The following DOK6 variants were observed in gnomAD, a reference collection of about 807,000 sequenced individuals.
The protein encoded by DOK6 is docking protein 6.
In DOK6, 22 loss-of-function variants were observed where a neutral mutation model predicts 44.0. That is an observed-to-expected ratio of 0.50 (90% confidence interval 0.36 to 0.71). The LOEUF is 0.71. Ranked by LOEUF, DOK6 falls within the 30% of genes least tolerant of loss-of-function variation. The pLI is 0.00. For synonymous variants in DOK6, 166 were observed against 145.5 expected (o/e 1.14, Z -1.01); for missense variants, 340 against 416.4 (o/e 0.82, Z 1.60).
intron 2 of DOK6, among the ~76,000 whole-genome samples, chr18:69,566,701 C>T (rs1047926779): frequency 1.3e-5 from 2 of 152,164 alleles, no homozygotes; most frequent in Admixed American, 6.5e-5. Flanking sequence ...GACGCAAATA[C>T]ACAAATAACT....
intron 1 of DOK6, among the ~76,000 whole-genome samples, chr18:69,402,451 G>T (rs1424745908): frequency 6.6e-6 from 1 of 152,226 alleles, no homozygotes; most frequent in Admixed American, 6.5e-5. Flanking sequence ...AAGAAGGGTA[G>T]TGTTAGAGAG....
intron 7 of DOK6, among the ~76,000 whole-genome samples, chr18:69,812,249 T>A (rs1981263411): frequency 6.6e-6 from 1 of 152,150 alleles, no homozygotes; most frequent in Non-Finnish European, 1.5e-5. Context: ...TCAGCCTGTA[T>A]CTTGGTTAAC....
At chr18:69,783,717 AG>A (rs1980346178) in intron 7 of DOK6, among the ~76,000 whole-genome samples, 1 of 152,162 alleles carries the variant, frequency 6.6e-6, no homozygotes, top group Admixed American at 6.5e-5. Context: ...TTTATATTTA[AG>A]CACTTGATTT....
chr18:69,639,462 A>C (rs888203866), intron 3 of DOK6, among the ~76,000 whole-genome samples: 3 of 152,186 alleles, frequency 2.0e-5, no homozygotes, highest in Admixed American at 6.5e-5. Context: ...CTGGGTCCTC[A>C]CCTGCCTTCT....
At chr18:69,660,056 G>A (rs1194790002) in intron 3 of DOK6, 1 of 151,562 alleles carries the variant, frequency 6.6e-6, no homozygotes, top group African/African-American at 2.4e-5. Flanking sequence ...ACAATAAGAG[G>A]AGGGACCTCT....
In DOK6 at chr18:69,841,619, T is replaced by A; in HGVS notation, c.*236T>A. ...ATGTTTTACATAAATAGAATCCAAATCGTATGAACAGTTATTTAAATAAAC... is the reference window on the plus strand; with the variant it reads ...ATGTTTTACATAAATAGAATCCAAAACGTATGAACAGTTATTTAAATAAAC... On this transcript the variant is annotated 3_prime_UTR_variant, in exon 8 of 8. Transcript: ENST00000382713. 2.0e-6 allele frequency: 1 copy of A among 507,618 alleles called. No individual in the cohort carries two copies. 31.4% of individuals were successfully genotyped at this position (507,618 alleles called of 1,614,324 possible). A position where few individuals can be genotyped will look rare whatever the true frequency, so the allele number is the denominator to read the frequency against.
At chr18:69,572,462 G>A (rs984087828) in intron 2 of DOK6, among the ~76,000 whole-genome samples, 1 of 152,066 alleles carries the variant, frequency 6.6e-6, no homozygotes, top group Non-Finnish European at 1.5e-5. Context: ...GAAATGTCAA[G>A]TAGTCAATTC....
In DOK6 at chr18:69,523,072, G is replaced by A. The variant is rs150550778; in HGVS notation, c.67-41415G>A. On this transcript the variant is annotated intron_variant, in intron 1 of 7. Transcript: ENST00000382713. Reference sequence around the variant, plus strand: ...GAGGGAAGCAGATTTTCTAGGCTTCGCCAGGGGAACTTTGGTGTTATCGGA... The same window carrying A: ...GAGGGAAGCAGATTTTCTAGGCTTCACCAGGGGAACTTTGGTGTTATCGGA... Among the ~76,000 whole-genome samples the A allele has an allele frequency of 1.3e-3, 191 of 152,154 alleles. 1 individual carries two copies. The highest frequency in any genetic ancestry group is 4.2e-3 in the African/African-American group (176 of 41,552).
At chr18:69,792,572 A>G (rs1238988084) in intron 7 of DOK6, among the ~76,000 whole-genome samples, 1 of 152,060 alleles carries the variant, frequency 6.6e-6, no homozygotes, top group Non-Finnish European at 1.5e-5. Context: ...ATCAATTTTA[A>G]TAGTTTTTTG....
chr18:69,698,350 TAGACA>T (rs1986435953), intron 4 of DOK6, 49 bp from the exon 5 acceptor site: 13 of 1,508,974 alleles, frequency 8.6e-6, no homozygotes. Context: ...CGTATGGCCA[TAGACA>T]CTCACACCTC....
rs190010908 is a variant in DOK6 at position 69,608,222 on chromosome 18, C to T, written c.289+8724C>T. On this transcript the variant is annotated intron_variant, in intron 3 of 7. Transcript: ENST00000382713. ...GATAAGGGTCCAATTTCATTATTTT[C>T]TATGTGGATTTCCAGTTTTCCAACA... Among the ~76,000 whole-genome samples, 424 of 152,178 alleles carry T rather than the reference C, an allele frequency of 2.8e-3. 1 individual carries two copies. Among genetic ancestry groups the T allele is most frequent in the African/African-American group, 9.6e-3 (399 of 41,532 alleles).
At chr18:69,637,834 A>T (rs1424368394) in intron 3 of DOK6, among the ~76,000 whole-genome samples, 1 of 152,026 alleles carries the variant, frequency 6.6e-6, no homozygotes. Context: ...TAATACTTTG[A>T]GCAAAAAAAT....
At chr18:69,571,323 AG>A (rs1983110362) in intron 2 of DOK6, among the ~76,000 whole-genome samples, 1 of 152,054 alleles carries the variant, frequency 6.6e-6, no homozygotes, top group Non-Finnish European at 1.5e-5. Flanking sequence ...AGGAGAAAAG[AG>A]GTAAAACAAC....
intron 1 of DOK6, among the ~76,000 whole-genome samples, chr18:69,428,246 G>A (rs1978699621): frequency 6.6e-6 from 1 of 151,964 alleles, no homozygotes; most frequent in South Asian, 2.1e-4. Flanking sequence ...TATTTCTATA[G>A]TAATCTGCAC....
chr18:69,439,080 A>T (rs1234483186), intron 1 of DOK6, among the ~76,000 whole-genome samples: 1 of 152,122 alleles, frequency 6.6e-6, no homozygotes, highest in Non-Finnish European at 1.5e-5. Context: ...ACAAACAAAA[A>T]CAACAATCAC....
intron 3 of DOK6, among the ~76,000 whole-genome samples, chr18:69,670,292 C>G (rs1472766929): frequency 6.6e-6 from 1 of 152,012 alleles, no homozygotes; most frequent in Non-Finnish European, 1.5e-5. Flanking sequence ...GTTTAGATAC[C>G]CATATCGTTG....
At chr18:69,599,238 C>T in intron 2 of DOK6, 146 bp from the exon 3 acceptor site, 1 of 603,734 alleles carries the variant, frequency 1.7e-6, no homozygotes. Context: ...TTTTTCTTTA[C>T]TGTTTTTGGC....
At position 69,509,637 on chromosome 18, in the gene DOK6, C is replaced by CAAAAA. The variant is rs1183367298; in HGVS notation, c.67-54828_67-54824dup. Among the ~76,000 whole-genome samples the CAAAAA allele has an allele frequency of 1.1e-3, 36 of 34,012 alleles. 3 individuals are homozygous for CAAAAA. The highest frequency in any genetic ancestry group is 3.6e-3 in the African/African-American group (29 of 8,124). The allele number at this position is 34,012 out of a possible 152,430, so 22.3% of individuals were successfully genotyped here. A position where few individuals can be genotyped will look rare whatever the true frequency, so the allele number is the denominator to read the frequency against. ...TGGGCAACAGAGCTAGGCTCTGTCTCAAAAAAAAAAAAAAAAAAAAAAAAA... is the reference window on the plus strand; with the variant it reads ...TGGGCAACAGAGCTAGGCTCTGTCTCAAAAAAAAAAAAAAAAAAAAAAAAAAAAAA... On this transcript the variant is annotated intron_variant, in intron 1 of 7. Coordinates refer to ENST00000382713, the MANE Select transcript of DOK6 (RefSeq NM_152721.6).
intron 3 of DOK6, among the ~76,000 whole-genome samples, chr18:69,666,150 C>G (rs1327094679): frequency 6.6e-6 from 1 of 152,156 alleles, no homozygotes; most frequent in South Asian, 2.1e-4. Context: ...GCAAACTGAG[C>G]AATTCTTTTT....
Sources: allele counts gnomAD v4.1 joint callset (sites outside exome capture counted in the v4.1 genomes callset), GRCh38; gene constraint gnomAD v4.1.1; transcripts MANE v1.5; gene names NCBI Gene and HGNC (gene_info 2026-07-23, HGNC 2026-07-21).